The following GLG1 variants were observed in gnomAD, a reference collection of about 807,000 sequenced individuals.
GLG1 encodes Golgi apparatus protein 1.
In GLG1, 38 loss-of-function variants were observed where a neutral mutation model predicts 160.5. That is an observed-to-expected ratio of 0.24 (90% CI 0.18 to 0.31). GLG1 has a LOEUF of 0.31. Ranked by LOEUF, GLG1 falls within the 10% of genes least tolerant of loss-of-function variation. The probability of loss-of-function intolerance (pLI) is 1.00; values close to 1 mark genes in which losing one functional copy is unlikely to be tolerated. For synonymous variants in GLG1, 644 were observed against 543.4 expected (o/e 1.19, Z -2.57); for missense variants, 1,373 against 1,505.2 (o/e 0.91, Z 1.45).
intron 4 of GLG1, among the ~76,000 whole-genome samples, chr16:74,498,085 G>A (rs1020610302): frequency 6.6e-6 from 1 of 151,888 alleles, no homozygotes; most frequent in Admixed American, 6.6e-5. Flanking sequence ...TACAAGATAT[G>A]TTTCAACAAT....
chr16:74,513,235 C>A (rs561295863), intron 2 of GLG1, among the ~76,000 whole-genome samples: 5 of 152,034 alleles, frequency 3.3e-5, no homozygotes, highest in African/African-American at 9.7e-5. Flanking sequence ...GAGGCAAGAA[C>A]TTATTTGAAT....
At chr16:74,596,652 G>A (rs75831862) in intron 1 of GLG1, among the ~76,000 whole-genome samples, 23 of 152,334 alleles carry the variant, frequency 1.5e-4, no homozygotes, top group African/African-American at 5.1e-4. Flanking sequence ...CTAGCTGCAC[G>A]TGGCTGATGA....
At chr16:74,521,791 T>C (rs1478568179) in intron 2 of GLG1, among the ~76,000 whole-genome samples, 2 of 152,300 alleles carry the variant, frequency 1.3e-5, no homozygotes, top group African/African-American at 2.4e-5. Context: ...CAGCAGTTCA[T>C]GGAGCCATCT....
intron 2 of GLG1, among the ~76,000 whole-genome samples, chr16:74,529,816 T>TTG (rs1266366294): frequency 1.5e-5 from 2 of 134,252 alleles, no homozygotes; most frequent in African/African-American, 5.7e-5. Flanking sequence ...AGAGTTCTTT[T>TTG]TTTTTTTTTT....
intron 4 of GLG1, among the ~76,000 whole-genome samples, chr16:74,497,721 GC>G: frequency 6.6e-6 from 1 of 152,274 alleles, no homozygotes; most frequent in East Asian, 1.9e-4. Context: ...ACTGGCGTGA[GC>G]CACTGCGCCC....
chr16:74,456,271 A>C (rs1414455162), intron 25 of GLG1, among the ~76,000 whole-genome samples: 1 of 152,244 alleles, frequency 6.6e-6, no homozygotes. Flanking sequence ...CCCGATGCAC[A>C]GGGAGACGGC....
chr16:74,606,593 A>C, intron 1 of GLG1, 64 bp downstream of exon 1: 2 of 1,401,070 alleles, frequency 1.4e-6, no homozygotes, highest in Non-Finnish European at 1.9e-6. Flanking sequence ...GCGGCTTCCA[A>C]GGCCGGCAAC....
At chr16:74,580,581 C>T (rs1157815876) in intron 1 of GLG1, among the ~76,000 whole-genome samples, 1 of 152,076 alleles carries the variant, frequency 6.6e-6, no homozygotes, top group East Asian at 1.9e-4. Flanking sequence ...TACTGTGAAG[C>T]AAGCATAGGA....
chr16:74,514,980 AG>A (rs1419599954), intron 2 of GLG1, among the ~76,000 whole-genome samples: 1 of 152,092 alleles, frequency 6.6e-6, no homozygotes, highest in African/African-American at 2.4e-5. Flanking sequence ...GAAAAAAAAA[AG>A]CAGGGGTTGC....
At chr16:74,570,942 T>C (rs920315251) in intron 1 of GLG1, among the ~76,000 whole-genome samples, 5 of 152,002 alleles carry the variant, frequency 3.3e-5, no homozygotes, top group African/African-American at 1.2e-4. Flanking sequence ...CTTCACTCTT[T>C]GTGTTTTTTT....
At chr16:74,588,277 G>T (rs990686056) in intron 1 of GLG1, among the ~76,000 whole-genome samples, 4 of 151,508 alleles carry the variant, frequency 2.6e-5, no homozygotes, top group African/African-American at 9.7e-5. Context: ...AAATGGTAGG[G>T]GCATAAAAAT....
intron 23 of GLG1, among the ~76,000 whole-genome samples, chr16:74,458,891 C>A (rs945749495): frequency 5.3e-5 from 8 of 152,082 alleles, no homozygotes; most frequent in African/African-American, 1.9e-4. Context: ...TCCATTTATA[C>A]ATAAGGGAAC....
intron 4 of GLG1, among the ~76,000 whole-genome samples, chr16:74,498,447 A>AATTATATATATATATATAT: frequency 1.2e-4 from 1 of 8,226 alleles, no homozygotes; most frequent in African/African-American, 2.1e-4. Flanking sequence ...AAAAAAAAAA[A>AATTATATATATATATATAT]GTATATATAT....
At chr16:74,581,730 G>A (rs1307586789) in intron 1 of GLG1, among the ~76,000 whole-genome samples, 1 of 151,984 alleles carries the variant, frequency 6.6e-6, no homozygotes, top group African/African-American at 2.4e-5. Context: ...GGCCAACATG[G>A]TGAAACCCCG....
At position 74,492,954 on chromosome 16, in the gene GLG1, T is replaced by C; in HGVS notation, c.1234+3A>G. 2 of 1,562,930 alleles carry C rather than the reference T, an allele frequency of 1.3e-6. No individual in the cohort carries two copies. Among genetic ancestry groups the C allele is most frequent in the Non-Finnish European group, 1.7e-6 (2 of 1,154,716 alleles). ...ATAATTAAAAAAAAAATATGAATGC[T>C]ACCTCTGTGTACAGCTGACTCCAGG... On this transcript the variant is annotated splice_donor_region_variant and intron_variant, in intron 7 of 25. Coordinates refer to ENST00000422840, the MANE Select transcript of GLG1 (RefSeq NM_001145667.2).
intron 1 of GLG1, among the ~76,000 whole-genome samples, chr16:74,553,344 A>C (rs985062620): frequency 3.3e-5 from 5 of 152,006 alleles, no homozygotes; most frequent in East Asian, 1.9e-4. Flanking sequence ...TCATGGGTGC[A>C]CACCACCATG....
At chr16:74,606,379 C>A (rs1344953994) in intron 1 of GLG1, among the ~76,000 whole-genome samples, 1 of 152,192 alleles carries the variant, frequency 6.6e-6, no homozygotes, top group African/African-American at 2.4e-5. Context: ...CAGGAGCGAA[C>A]AGACACGCTC....
chr16:74,491,097 A>G lies in GLG1; in HGVS notation c.1353T>C (p.His451=), dbSNP rs886990146. ...ILSCRGEIEH[H]CSGLHRKGRT... ...GCCCTTTTCGATGTAATCCGGAACA[A>G]TGGTGTTCAATCTCCCCCCGACAGC... Residue 451 remains histidine, a synonymous_variant, in exon 8 of 26, where the codon CAT becomes CAC. Coordinates refer to ENST00000422840, the MANE Select transcript of GLG1 (RefSeq NM_001145667.2). 7.4e-6 allele frequency: 12 copies of G among 1,613,904 alleles called. No homozygotes were observed. The highest frequency in any genetic ancestry group is 1.6e-4 in the Middle Eastern group (1 of 6,084).
Position 74,451,268 on chromosome 16 carries a change from A to G in GLG1, c.*1899T>C, listed in dbSNP as rs2014289934. The stretch of plus-strand genomic sequence containing the variant: ...TGAAGCATCCCAGACAGCTGTTGAC[A>G]ATCAGGAAGACCCTACAAGCAGGAC... On this transcript the variant is annotated 3_prime_UTR_variant, in exon 26 of 26. Coordinates refer to ENST00000422840, the MANE Select transcript of GLG1 (RefSeq NM_001145667.2). 1 of 152,314 alleles carries G rather than the reference A, an allele frequency of 6.6e-6. No homozygotes were observed. Among genetic ancestry groups the G allele is most frequent in the South Asian group, 2.1e-4 (1 of 4,818 alleles). 9.4% of individuals were successfully genotyped at this position (152,314 alleles called of 1,614,324 possible).
Sources: allele counts gnomAD v4.1 joint callset (sites outside exome capture counted in the v4.1 genomes callset), GRCh38; gene constraint gnomAD v4.1.1; transcripts MANE v1.5; gene names NCBI Gene and HGNC (gene_info 2026-07-23, HGNC 2026-07-21).